PHLDB2: variants seen among roughly 807,000 people sequenced by gnomAD.
PHLDB2 encodes the protein pleckstrin homology like domain family B member 2, also known as pleckstrin homology-like domain family B member 2.
PHLDB2 carries 71 observed loss-of-function variants against 123.6 expected under a neutral mutation model. The ratio of observed to expected loss-of-function variants is 0.57; its 90% confidence interval spans 0.47 to 0.70. PHLDB2 has a LOEUF of 0.70. Among genes scored for constraint, PHLDB2 ranks in the 30% least tolerant of loss-of-function variants. The pLI is 0.00. For missense variants in PHLDB2, 1,446 were observed against 1,519.5 expected, an observed-to-expected ratio of 0.95 and a Z score of 0.80; for synonymous variants, 547 against 541.6, an observed-to-expected ratio of 1.01 and a Z score of -0.14.
At chr3:111,844,372 C>T (rs187789373) in intron 1 of PHLDB2, among the ~76,000 whole-genome samples, 2 of 152,288 alleles carry the variant, frequency 1.3e-5, no homozygotes, top group Non-Finnish European at 2.9e-5. Flanking sequence ...AATTCCCCTC[C>T]TCACCCCACA....
intron 1 of PHLDB2, among the ~76,000 whole-genome samples, chr3:111,830,962 A>T (rs1232814040): frequency 6.1e-5 from 2 of 32,708 alleles, no homozygotes; most frequent in Non-Finnish European, 1.1e-4. Context: ...AAAGAGAAAG[A>T]AAGAAAGAAA....
intron 1 of PHLDB2, among the ~76,000 whole-genome samples, chr3:111,734,864 G>A (rs575784039): frequency 2.6e-5 from 4 of 152,188 alleles, no homozygotes; most frequent in Admixed American, 6.5e-5. Flanking sequence ...AAGTTCTGAA[G>A]TTCTCCACTG....
intron 1 of PHLDB2, among the ~76,000 whole-genome samples, chr3:111,749,791 T>A (rs1253096855): frequency 1.3e-5 from 2 of 152,230 alleles, no homozygotes; most frequent in Admixed American, 1.3e-4. Flanking sequence ...TTTAAAGAAC[T>A]GTTCTACGAC....
chr3:111,931,077 G>A (rs1356152236), intron 5 of PHLDB2, among the ~76,000 whole-genome samples: 2 of 152,122 alleles, frequency 1.3e-5, no homozygotes, highest in African/African-American at 2.4e-5. Context: ...AATGTCATAG[G>A]ACTATTTCAG....
At chr3:111,869,688 A>G (rs2108694874) in intron 1 of PHLDB2, among the ~76,000 whole-genome samples, 1 of 130,190 alleles carries the variant, frequency 7.7e-6, no homozygotes, top group South Asian at 2.7e-4. Context: ...GCATGTGGAC[A>G]GCATGTGTGT....
intron 15 of PHLDB2, 130 bp from the exon 16 acceptor site, chr3:111,969,560 C>G (rs2072034761): frequency 4.3e-6 from 3 of 690,912 alleles, no homozygotes; most frequent in Non-Finnish European, 7.1e-6. Context: ...CTTTGTTTAT[C>G]TTAAGCTCTT....
At chr3:111,926,605 A>G (rs1416033360) in intron 5 of PHLDB2, among the ~76,000 whole-genome samples, 2 of 146,140 alleles carry the variant, frequency 1.4e-5, no homozygotes, top group South Asian at 2.1e-4. Flanking sequence ...TTTTTTTTCT[A>G]TGCTAAACAT....
At chr3:111,733,012 A>G (rs1271293343) in intron 1 of PHLDB2, among the ~76,000 whole-genome samples, 1 of 152,226 alleles carries the variant, frequency 6.6e-6, no homozygotes, top group Non-Finnish European at 1.5e-5. Flanking sequence ...CATTGGTGGT[A>G]ACTCCACAAG....
At chr3:111,837,269 G>C (rs1396119133) in intron 1 of PHLDB2, among the ~76,000 whole-genome samples, 3 of 152,190 alleles carry the variant, frequency 2.0e-5, no homozygotes, top group Non-Finnish European at 4.4e-5. Context: ...GGAAGAGCCA[G>C]AGAATACTAG....
intron 1 of PHLDB2, among the ~76,000 whole-genome samples, chr3:111,742,725 G>A (rs891412548): frequency 6.6e-6 from 1 of 152,154 alleles, no homozygotes; most frequent in African/African-American, 2.4e-5. Flanking sequence ...GGACATTTGG[G>A]TTGGTTCCAA....
intron 14 of PHLDB2, 28 bp from the exon 15 acceptor site, chr3:111,967,650 A>T: frequency 6.3e-7 from 1 of 1,580,738 alleles, no homozygotes; most frequent in Non-Finnish European, 8.6e-7. Flanking sequence ...TATGTTTTAA[A>T]ATAATCATTG....
At chr3:111,867,051 C>T (rs986697070) in intron 1 of PHLDB2, among the ~76,000 whole-genome samples, 1 of 151,376 alleles carries the variant, frequency 6.6e-6, no homozygotes, top group African/African-American at 2.4e-5. Flanking sequence ...TATTTGGGCA[C>T]GCAGTGGTGA....
chr3:111,927,908 T>C (rs1215616447), intron 5 of PHLDB2, among the ~76,000 whole-genome samples: 1 of 152,228 alleles, frequency 6.6e-6, no homozygotes. Flanking sequence ...CCTTCAGTAA[T>C]ACAACTTAGA....
chr3:111,943,406 T>A (rs905789297), intron 8 of PHLDB2, among the ~76,000 whole-genome samples: 8 of 151,804 alleles, frequency 5.3e-5, no homozygotes, highest in Admixed American at 1.3e-4. Context: ...AATATAAAAA[T>A]TAAAATGATA....
intron 10 of PHLDB2, chr3:111,949,636 T>G: frequency 1.2e-6 from 1 of 828,418 alleles, no homozygotes; most frequent in Non-Finnish European, 1.5e-6. Flanking sequence ...ACTATCAATT[T>G]CATTTCTATG....
At chr3:111,954,512 AGTT>A (rs2070914911) in intron 12 of PHLDB2, among the ~76,000 whole-genome samples, 1 of 152,176 alleles carries the variant, frequency 6.6e-6, no homozygotes, top group Non-Finnish European at 1.5e-5. Context: ...TATACTTCAT[AGTT>A]GTTATGTTTC....
At chr3:111,935,163 G>A (rs1337911737) in intron 6 of PHLDB2, among the ~76,000 whole-genome samples, 1 of 137,982 alleles carries the variant, frequency 7.2e-6, no homozygotes. Context: ...GTAGTAGTGC[G>A]ATCTCGGCTC....
chr3:111,885,136 C>T lies in PHLDB2; in HGVS notation c.1059C>T (p.Asp353=). 1.2e-6 allele frequency: 2 copies of T among 1,614,134 alleles called. No individual in the cohort carries two copies. The highest frequency in any genetic ancestry group is 8.5e-7 in the Non-Finnish European group (1 of 1,180,032). Residue 353 remains aspartate, a synonymous_variant, in exon 2 of 18, where the codon GAC becomes GAT. Coordinates refer to ENST00000431670, the MANE Select transcript of PHLDB2 (RefSeq NM_001134438.2). ...CCACCTCCTCCTGTGCCTCTGATGA[C>T]TTTGATCAGGCTTCATATGTGGGGA... ...LASTSSCASD[D]FDQASYVGTN...
At chr3:111,835,051 A>G (rs1433556159) in intron 1 of PHLDB2, among the ~76,000 whole-genome samples, 1 of 152,164 alleles carries the variant, frequency 6.6e-6, no homozygotes, top group Non-Finnish European at 1.5e-5. Flanking sequence ...ATCAGGCTAC[A>G]ATCCTTCTCA....
Sources: gnomAD v4.1 joint callset for allele counts (sites outside exome capture counted in the v4.1 genomes callset) on GRCh38, gnomAD v4.1.1 for gene constraint, MANE v1.5 for transcripts, NCBI Gene and HGNC (gene_info 2026-07-23, HGNC 2026-07-21) for gene names.